RIMS1: variants seen among roughly 807,000 people sequenced by gnomAD.
The protein encoded by RIMS1 is regulating synaptic membrane exocytosis 1, also known as regulating synaptic membrane exocytosis protein 1.
In RIMS1, 83 loss-of-function variants were observed where a neutral mutation model predicts 214.1. The ratio of observed to expected loss-of-function variants is 0.39; its 90% CI spans 0.32 to 0.47. The LOEUF is 0.47. Among genes scored for constraint, RIMS1 ranks in the 20% least tolerant of loss-of-function variants. The probability of loss-of-function intolerance (pLI) is 0.99; values close to 1 mark genes in which losing one functional copy is unlikely to be tolerated. For missense variants in RIMS1, 2,050 were observed against 2,161.8 expected, an observed-to-expected ratio of 0.95 and a Z score of 1.03; for synonymous variants, 793 against 786.8, an observed-to-expected ratio of 1.01 and a Z score of -0.13.
At chr6:72,251,424 A>T in intron 15 of RIMS1, 56 bp downstream of exon 15, 2 of 1,262,422 alleles carry the variant, frequency 1.6e-6, no homozygotes, top group Non-Finnish European at 2.2e-6. Flanking sequence ...TGATCTAATT[A>T]GTGATTAATA....
intron 4 of RIMS1, among the ~76,000 whole-genome samples, chr6:72,123,626 T>C (rs1360425061): frequency 6.6e-6 from 1 of 151,882 alleles, no homozygotes; most frequent in African/African-American, 2.4e-5. Context: ...TGTAGGTCTC[T>C]AAGGACTTGC....
chr6:72,179,673 T>A lies in RIMS1; in HGVS notation c.570T>A (p.Asp190Glu). 1 of 1,613,934 alleles carries A rather than the reference T, an allele frequency of 6.2e-7. No homozygotes were observed. The highest frequency in any genetic ancestry group is 1.1e-5 in the South Asian group (1 of 91,082). The change falls in exon 5 of 34, where the codon GAT (aspartate) becomes GAA (glutamate). Residue 190 changes from aspartate to glutamate, a missense_variant. Coordinates refer to ENST00000521978, the MANE Select transcript of RIMS1 (RefSeq NM_014989.7). Reference sequence around the variant, plus strand: ...GTGGCCCTCAGCAGACAAGTCAGGATGGAACCCTGAGTGATACAGCTACAG... The same window carrying A: ...GTGGCCCTCAGCAGACAAGTCAGGAAGGAACCCTGAGTGATACAGCTACAG... ...FGSGPQQTSQ[D>E]GTLSDTATGA...
chr6:72,114,566 G>C (rs758965306), intron 4 of RIMS1, among the ~76,000 whole-genome samples: 2 of 151,770 alleles, frequency 1.3e-5, no homozygotes, highest in Non-Finnish European at 2.9e-5. Context: ...CCTTCACTTT[G>C]CTGTTTGCTT....
chr6:72,215,139 G>A (rs1378700816), intron 6 of RIMS1, among the ~76,000 whole-genome samples: 1 of 152,136 alleles, frequency 6.6e-6, no homozygotes, highest in Non-Finnish European at 1.5e-5. Context: ...GTTCTCTTCT[G>A]TATACTTGCT....
intron 1 of RIMS1, among the ~76,000 whole-genome samples, chr6:71,924,630 C>CAAAAAAAAAAAAAAAAAA (rs1250868988): frequency 2.4e-4 from 18 of 76,196 alleles, no homozygotes; most frequent in African/African-American, 9.3e-4. Flanking sequence ...CCCATCTCTG[C>CAAAAAAAAAAAAAAAAAA]AAAAAAAAAA....
At chr6:72,285,967 G>A (rs112071261) in intron 24 of RIMS1, among the ~76,000 whole-genome samples, 2,187 of 152,196 alleles carry the variant, frequency 0.014, 24 homozygotes, top group Non-Finnish European at 0.021. Context: ...GGAGGCCAAG[G>A]CGGGCAGATC....
At chr6:72,160,938 G>C (rs1358970182) in intron 4 of RIMS1, among the ~76,000 whole-genome samples, 1 of 139,684 alleles carries the variant, frequency 7.2e-6, no homozygotes, top group Non-Finnish European at 1.6e-5. Flanking sequence ...CTATTGATTG[G>C]AATAGTTTCA....
intron 4 of RIMS1, among the ~76,000 whole-genome samples, chr6:72,175,539 G>T (rs2047585625): frequency 1.3e-5 from 2 of 151,974 alleles, no homozygotes; most frequent in African/African-American, 2.4e-5. Context: ...TGGGCGTGGG[G>T]GCAGGTGCCT....
chr6:71,918,556 C>G (rs2150718443), intron 1 of RIMS1, among the ~76,000 whole-genome samples: 1 of 152,150 alleles, frequency 6.6e-6, no homozygotes, highest in Middle Eastern at 3.4e-3. Flanking sequence ...GTAGAGGGGA[C>G]AGCAGTATGG....
chr6:72,330,092 A>G (rs919250063), intron 28 of RIMS1, among the ~76,000 whole-genome samples: 1 of 151,870 alleles, frequency 6.6e-6, no homozygotes, highest in African/African-American at 2.4e-5. Flanking sequence ...GTGATAAAAG[A>G]GGATCAAGGT....
intron 4 of RIMS1, among the ~76,000 whole-genome samples, chr6:72,137,733 T>TA (rs2041506129): frequency 6.7e-6 from 1 of 149,160 alleles, no homozygotes; most frequent in African/African-American, 2.5e-5. Flanking sequence ...GTCTATACAA[T>TA]CTTTTTTTTT....
chr6:72,148,627 C>G (rs1475457104), intron 4 of RIMS1: 5 of 456,656 alleles, frequency 1.1e-5, no homozygotes, highest in Non-Finnish European at 2.2e-5. Flanking sequence ...AAGTGGGGAG[C>G]CCAGTCAGCA....
At chr6:71,984,268 A>C (rs1168456322) in intron 2 of RIMS1, among the ~76,000 whole-genome samples, 1 of 152,140 alleles carries the variant, frequency 6.6e-6, no homozygotes, top group East Asian at 1.9e-4. Flanking sequence ...AGAAGGAGGC[A>C]CAGAAAGGGA....
chr6:72,125,171 A>G (rs1343583227), intron 4 of RIMS1, among the ~76,000 whole-genome samples: 1 of 152,166 alleles, frequency 6.6e-6, no homozygotes, highest in Non-Finnish European at 1.5e-5. Flanking sequence ...TTTGGTGTAG[A>G]TGACCTTTTT....
intron 1 of RIMS1, among the ~76,000 whole-genome samples, chr6:71,916,191 T>C (rs1171622021): frequency 1.3e-5 from 2 of 152,170 alleles, no homozygotes; most frequent in African/African-American, 4.8e-5. Context: ...TAGGAATTTC[T>C]CACTTCCAAT....
chr6:72,296,496 C>T (rs2094109731), intron 26 of RIMS1, among the ~76,000 whole-genome samples: 1 of 151,812 alleles, frequency 6.6e-6, no homozygotes. Context: ...TTTTATCTTT[C>T]TGAGAGTCAT....
At chr6:71,956,647 A>G (rs1583454213) in intron 1 of RIMS1, among the ~76,000 whole-genome samples, 1 of 152,178 alleles carries the variant, frequency 6.6e-6, no homozygotes, top group East Asian at 1.9e-4. Flanking sequence ...TATTTCTTGT[A>G]TCGACCTCTC....
intron 22 of RIMS1, among the ~76,000 whole-genome samples, chr6:72,272,482 C>T (rs574314612): frequency 4.1e-4 from 63 of 152,200 alleles, no homozygotes; most frequent in African/African-American, 1.5e-3. Context: ...TTCAGAAGGA[C>T]TCTAAGTGTA....
rs763299436 is a variant in RIMS1, at chr6:72,390,707, C to G, written c.4476C>G (p.Gly1492=). Residue 1492 remains glycine (G), a synonymous_variant, in exon 30 of 34, where the codon GGC becomes GGG. Transcript: ENST00000521978. ...AGCCGAGCCGAGAGTCTACTGATGGCAGCATCAACAGTTACAGCTCTGAGG... is the reference window on the plus strand; with the variant it reads ...AGCCGAGCCGAGAGTCTACTGATGGGAGCATCAACAGTTACAGCTCTGAGG... The part of the protein sequence containing the change: ...VRQPSRESTD[G]SINSYSSEGN... The G allele has an allele frequency of 6.2e-7, 1 of 1,613,886 alleles. No individual in the cohort carries two copies. Among genetic ancestry groups the G allele is most frequent in the South Asian group, 1.1e-5 (1 of 91,072 alleles).
Sources: allele counts gnomAD v4.1 joint callset (sites outside exome capture counted in the v4.1 genomes callset), GRCh38; gene constraint gnomAD v4.1.1; transcripts MANE v1.5; gene names NCBI Gene and HGNC (gene_info 2026-07-23, HGNC 2026-07-21).